Variants in DNAJC17 observed in about 807,000 individuals in gnomAD.
DNAJC17 encodes DnaJ heat shock protein family (Hsp40) member C17.
DNAJC17 carries 35 observed loss-of-function variants against 48.1 expected under a neutral mutation model. The observed-to-expected ratio is 0.73, with a 90% CI of 0.56 to 0.96. The LOEUF is 0.96. DNAJC17 is among the 50% of genes least tolerant of loss of function. The pLI, the probability that DNAJC17 is intolerant of heterozygous loss-of-function variation, is 0.00. For missense variants in DNAJC17, 355 were observed against 377.1 expected, an observed-to-expected ratio of 0.94 and a Z score of 0.48; for synonymous variants, 117 against 142.7, an observed-to-expected ratio of 0.82 and a Z score of 1.28.
At chr15:40,774,968 C>T in intron 8 of DNAJC17, 63 bp downstream of exon 8, 1 of 1,558,052 alleles carries the variant, frequency 6.4e-7, no homozygotes, top group Non-Finnish European at 8.9e-7. Context: ...GAGCAGAGAC[C>T]TAGGGTGTGG....
At position 40,767,722 on chromosome 15, in the gene DNAJC17, T is replaced by C; in HGVS notation, c.*218A>G. ...CTGTGATGAGTGGCTGCGCCTGTGC[T>C]CTGCTTGTGCACGGACTCTGGGACT... On this transcript the variant is annotated 3_prime_UTR_variant, in exon 11 of 11. Coordinates refer to ENST00000220496, the MANE Select transcript of DNAJC17 (RefSeq NM_018163.3). 1 of 672,528 alleles carries C rather than the reference T, an allele frequency of 1.5e-6. No homozygotes were observed. Among genetic ancestry groups the C allele is most frequent in the East Asian group, 3.0e-5 (1 of 33,860 alleles). The allele number at this position is 672,528 out of a possible 1,614,324, so 41.7% of individuals were successfully genotyped here.
intron 1 of DNAJC17, chr15:40,807,065 T>A (rs1890253202): frequency 3.3e-6 from 2 of 614,452 alleles, no homozygotes; most frequent in East Asian, 5.8e-5. Flanking sequence ...AGGCCGAGAC[T>A]GCGCAGGCGC....
chr15:40,780,170 A>G, intron 1 of DNAJC17, 173 bp from the exon 2 acceptor site: 2 of 708,062 alleles, frequency 2.8e-6, no homozygotes, highest in Non-Finnish European at 5.1e-6. Context: ...CCATGGAGGG[A>G]GTGAGCCACT....
At position 40,781,695 on chromosome 15, in the gene DNAJC17, G is replaced by A. The variant is rs571611266; in HGVS notation, c.79-1698C>T. Among the ~76,000 whole-genome samples, 529 of 152,004 alleles carry A rather than the reference G, an allele frequency of 3.5e-3. 2 individuals are homozygous for A. Among genetic ancestry groups the A allele is most frequent in the Non-Finnish European group, 6.3e-3 (430 of 67,994 alleles). On this transcript the variant is annotated intron_variant, in intron 1 of 10. Transcript: ENST00000220496. ...CCAGCACTTTGGGAGGCCGAGACAGGTGGATCACGAGGTCAGGAGATTGAG... is the reference window on the plus strand; with the variant it reads ...CCAGCACTTTGGGAGGCCGAGACAGATGGATCACGAGGTCAGGAGATTGAG...
Position 40,776,532 on chromosome 15 carries a change from G to T in DNAJC17, c.381+10C>A. On this transcript the variant is annotated intron_variant, in intron 5 of 10. Transcript: ENST00000220496. ...AGGTGGCCTTCTGGCCAGTGTGCCT[G>T]AGTGCTCACCTCTTGCTCTAGTGTC... 1 of 1,613,852 alleles carries T rather than the reference G, an allele frequency of 6.2e-7. No homozygotes were observed. The highest frequency in any genetic ancestry group is 8.5e-7 in the Non-Finnish European group (1 of 1,179,992).
At chr15:40,789,936 AG>A (rs1427600323) in intron 1 of DNAJC17, among the ~76,000 whole-genome samples, 2 of 150,666 alleles carry the variant, frequency 1.3e-5, no homozygotes, top group African/African-American at 2.4e-5. Context: ...AAAAAAGAAA[AG>A]AAAAGAAATG....
chr15:40,790,521 G>A (rs1164399162), intron 1 of DNAJC17, among the ~76,000 whole-genome samples: 1 of 152,204 alleles, frequency 6.6e-6, no homozygotes, highest in Non-Finnish European at 1.5e-5. Flanking sequence ...GGAGGTTGCA[G>A]TGAGCCAAGA....
intron 1 of DNAJC17, among the ~76,000 whole-genome samples, chr15:40,798,995 G>A (rs899076422): frequency 2.6e-5 from 4 of 152,116 alleles, no homozygotes. Flanking sequence ...TGAGGCGGGC[G>A]GATCACGAGG....
intron 1 of DNAJC17, 119 bp from the exon 2 acceptor site, chr15:40,780,116 C>T: frequency 2.1e-6 from 2 of 957,120 alleles, no homozygotes; most frequent in Non-Finnish European, 3.2e-6. Context: ...TGCTGGCGCC[C>T]ACTTCCTAGC....
rs114513860 is a variant in DNAJC17, at chr15:40,768,564, T to C, written c.793-502A>G. On this transcript the variant is annotated intron_variant, in intron 10 of 10. Transcript: ENST00000220496. ...TTGCTGAGGATGCAGAAGGGAGCCC[T>C]ACCCGAGGCAGCCCGGAATGCCCCA... 7.2e-3 allele frequency among the ~76,000 whole-genome samples: 1,090 copies of C among 152,232 alleles called. 19 individuals are homozygous for C. The highest frequency in any genetic ancestry group is 0.025 in the African/African-American group (1,044 of 41,542).
chr15:40,805,472 G>C (rs1890184594), intron 1 of DNAJC17, among the ~76,000 whole-genome samples: 1 of 151,972 alleles, frequency 6.6e-6, no homozygotes, highest in Non-Finnish European at 1.5e-5. Context: ...GCTTGAACCT[G>C]GGAGGCAGAA....
chr15:40,806,918 G>T (rs1011382678), intron 1 of DNAJC17, among the ~76,000 whole-genome samples: 2 of 151,474 alleles, frequency 1.3e-5, no homozygotes, highest in African/African-American at 4.9e-5. Context: ...TGGCAAGGGG[G>T]CATGAAAAGG....
intron 4 of DNAJC17, 30 bp downstream of exon 4, chr15:40,779,193 C>A: frequency 1.2e-6 from 2 of 1,604,540 alleles, no homozygotes; most frequent in Non-Finnish European, 1.7e-6. Flanking sequence ...CAGGAAACCA[C>A]AGGCCACCGA....
chr15:40,806,259 C>CTGCAGGG (rs1890219723), intron 1 of DNAJC17, among the ~76,000 whole-genome samples: 1 of 149,500 alleles, frequency 6.7e-6, no homozygotes, highest in Non-Finnish European at 1.5e-5. Context: ...CGCTCTGTCG[C>CTGCAGGG]CCAGACTGGA....
intron 7 of DNAJC17, 91 bp downstream of exon 7, chr15:40,775,462 C>T (rs920768068): frequency 6.9e-7 from 1 of 1,454,562 alleles, no homozygotes; most frequent in Non-Finnish European, 9.6e-7. Context: ...AGCAGCCCCA[C>T]CAGAAACCCT....
Position 40,770,502 on chromosome 15 carries a change from AC to A in DNAJC17, c.793-2441del. On this transcript the variant is annotated intron_variant, in intron 10 of 10. Coordinates refer to ENST00000220496, the MANE Select transcript of DNAJC17 (RefSeq NM_018163.3). This position sits in a 1 kb window ranked among gnomAD's most constrained non-coding sequence, Gnocchi z 5.0. ...GCTGGCTCCCCTGGGCCCCATGGAG[AC>A]CTGGCGGAAAGGCTCCTTCCGCAAC... is the stretch of plus-strand genomic sequence containing the variant. 2 of 1,548,828 alleles carry A rather than the reference AC, an allele frequency of 1.3e-6. No homozygotes were observed. The highest frequency in any genetic ancestry group is 2.4e-5 in the South Asian group (2 of 83,894).
intron 1 of DNAJC17, among the ~76,000 whole-genome samples, chr15:40,784,558 A>G (rs1889591787): frequency 6.6e-6 from 1 of 152,200 alleles, no homozygotes; most frequent in Non-Finnish European, 1.5e-5. Flanking sequence ...ATAAGGGTTA[A>G]TTATGATACC....
intron 1 of DNAJC17, among the ~76,000 whole-genome samples, chr15:40,805,436 A>C (rs2141967882): frequency 6.7e-6 from 1 of 150,156 alleles, no homozygotes; most frequent in African/African-American, 2.4e-5. Flanking sequence ...AGTCCCAGCT[A>C]CTCCGGAGGC....
chr15:40,769,317 T>C lies in DNAJC17; in HGVS notation c.793-1255A>G, dbSNP rs1232455443. Among the ~76,000 whole-genome samples, 4 of 152,106 alleles carry C rather than the reference T, an allele frequency of 2.6e-5. No individual in the cohort carries two copies. The highest frequency in any genetic ancestry group is 5.9e-5 in the Non-Finnish European group (4 of 67,994). On this transcript the variant is annotated intron_variant, in intron 10 of 10. Transcript: ENST00000220496. The surrounding 1 kb of genome is among the most constrained non-coding windows in gnomAD (Gnocchi z 4.2). ...GGGGAAGGGCTGGAGCACAGCCAGG[T>C]AGGAGGCAACACGGCCCGGCCTTCA...
Sources: allele counts gnomAD v4.1 joint callset (sites outside exome capture counted in the v4.1 genomes callset), GRCh38; gene constraint gnomAD v4.1.1; non-coding constraint Gnocchi (gnomAD v3.1); transcripts MANE v1.5; gene names NCBI Gene and HGNC (gene_info 2026-07-23, HGNC 2026-07-21).